The following DCAF8L2 variants were observed in gnomAD, a reference collection of about 807,000 sequenced individuals.
DCAF8L2 encodes the protein DDB1- and CUL4-associated factor 8-like protein 2.
For synonymous variants in DCAF8L2, 200 were observed against 190.9 expected (o/e 1.05, Z -0.39); for missense variants, 430 against 490.7 (o/e 0.88, Z 1.17).
At chrX:27,555,402 A>T in the DCAF8L2 span, among the ~76,000 whole-genome samples, 1 of 111,951 alleles carries the variant, frequency 8.9e-6, no homozygotes, top group Non-Finnish European at 1.9e-5. Context: ...AGGTTCTGAC[A>T]TTGGCCTTTT....
intron 4 of DCAF8L2, among the ~76,000 whole-genome samples, chrX:27,726,885 G>GT (rs1335281995): frequency 2.7e-5 from 3 of 111,701 alleles, no homozygotes; most frequent in Non-Finnish European, 3.8e-5. Flanking sequence ...TCTTTCCTAT[G>GT]TTTTTTCATG....
the DCAF8L2 span, among the ~76,000 whole-genome samples, chrX:27,542,837 T>G: frequency 9.0e-6 from 1 of 111,463 alleles, no homozygotes; most frequent in African/African-American, 3.3e-5. Context: ...GGTTATTTGT[T>G]TTTCACTTGG....
At chrX:27,608,397 TAAA>T (rs1480012853) in intron 1 of DCAF8L2, among the ~76,000 whole-genome samples, 1 of 111,994 alleles carries the variant, frequency 8.9e-6, no homozygotes, top group African/African-American at 3.2e-5. Context: ...TAAAATAAAA[TAAA>T]AGAAGTAATT....
chrX:27,715,854 T>C (rs1177481206), intron 3 of DCAF8L2, among the ~76,000 whole-genome samples: 1 of 112,198 alleles, frequency 8.9e-6, no homozygotes, highest in Non-Finnish European at 1.9e-5. Context: ...AAATTAATGA[T>C]AGTCCTTTCT....
At chrX:27,606,925 A>G (rs1926934204) in intron 1 of DCAF8L2, among the ~76,000 whole-genome samples, 1 of 111,370 alleles carries the variant, frequency 9.0e-6, no homozygotes, top group African/African-American at 3.3e-5. Context: ...AGTTACCTGT[A>G]TTCATATCCT....
At chrX:27,519,494 A>G in the DCAF8L2 span, 4 of 957,815 alleles carry the variant, frequency 4.2e-6, no homozygotes, top group Non-Finnish European at 6.0e-6. Flanking sequence ...TTGCAACACA[A>G]AGCTTTTGCA....
the DCAF8L2 span, among the ~76,000 whole-genome samples, chrX:27,533,778 T>A: frequency 8.9e-6 from 1 of 112,662 alleles, no homozygotes; most frequent in East Asian, 2.8e-4. Context: ...TTAAAGGAAA[T>A]GCGTGAGACA....
chrX:27,612,883 G>A (rs1022513991), intron 1 of DCAF8L2, among the ~76,000 whole-genome samples: 4 of 111,689 alleles, frequency 3.6e-5, no homozygotes, highest in African/African-American at 1.3e-4. Flanking sequence ...CAGGTAGCGT[G>A]ATACCTCCAC....
intron 4 of DCAF8L2, among the ~76,000 whole-genome samples, chrX:27,716,797 T>A (rs1398805535): frequency 8.9e-6 from 1 of 112,009 alleles, no homozygotes; most frequent in East Asian, 2.8e-4. Flanking sequence ...GGTAAAGGTA[T>A]GTCATAGTGG....
the DCAF8L2 span, among the ~76,000 whole-genome samples, chrX:27,535,145 T>C: frequency 8.9e-6 from 1 of 111,969 alleles, no homozygotes; most frequent in Admixed American, 9.5e-5. Context: ...GTGAACAAGA[T>C]GTATGTAGCT....
chrX:27,592,411 G>GTTTTTTTTTTTTTTTTT (rs1214583694), intron 1 of DCAF8L2, among the ~76,000 whole-genome samples: 19 of 51,628 alleles, frequency 3.7e-4, no homozygotes, highest in Non-Finnish European at 5.3e-4. Flanking sequence ...TTTTTTGTTT[G>GTTTTTTTTTTTTTTTTT]TTTTTGTTTT....
the DCAF8L2 span, among the ~76,000 whole-genome samples, chrX:27,545,533 T>C: frequency 5.2e-4 from 58 of 111,717 alleles, no homozygotes; most frequent in Non-Finnish European, 5.6e-5. Flanking sequence ...TGAATTGTAA[T>C]TCCCTATGCT....
chrX:27,635,877 T>C (rs1017021929), intron 2 of DCAF8L2, among the ~76,000 whole-genome samples: 1 of 107,688 alleles, frequency 9.3e-6, no homozygotes, highest in African/African-American at 3.4e-5. Context: ...ACTGGCGCCA[T>C]CTTGGCTCGC....
chrX:27,618,794 G>A (rs763427676), intron 1 of DCAF8L2, among the ~76,000 whole-genome samples: 6 of 111,309 alleles, frequency 5.4e-5, no homozygotes, highest in African/African-American at 1.3e-4. Flanking sequence ...AATACTAGTG[G>A]AAAAGTGAGA....
chrX:27,495,464 G>A, the DCAF8L2 span, among the ~76,000 whole-genome samples: 1 of 111,935 alleles, frequency 8.9e-6, no homozygotes, highest in Non-Finnish European at 1.9e-5. Flanking sequence ...GATTTTAATA[G>A]CAATGTTTTT....
intron 2 of DCAF8L2, among the ~76,000 whole-genome samples, chrX:27,673,629 C>A (rs1415531995): frequency 9.3e-6 from 1 of 107,307 alleles, no homozygotes; most frequent in Non-Finnish European, 1.9e-5. Context: ...CTTATATATA[C>A]ATATATATGT....
At chrX:27,690,828 T>A (rs1366216736) in intron 3 of DCAF8L2, among the ~76,000 whole-genome samples, 1 of 111,543 alleles carries the variant, frequency 9.0e-6, no homozygotes, top group Non-Finnish European at 1.9e-5. Flanking sequence ...TACAACTCAA[T>A]TGAATCGACA....
chrX:27,517,640 C>T, the DCAF8L2 span: 1 of 560,257 alleles, frequency 1.8e-6, no homozygotes, highest in Non-Finnish European at 3.2e-6. Flanking sequence ...TGTCTTTTAG[C>T]TAGCACAGTC....
intron 2 of DCAF8L2, among the ~76,000 whole-genome samples, chrX:27,668,908 C>T (rs759401559): frequency 2.2e-4 from 24 of 107,639 alleles, no homozygotes; most frequent in Middle Eastern, 4.8e-3. Context: ...GCACTCCAGC[C>T]TGGTTGACAC....
Sources: allele counts gnomAD v4.1 joint callset (sites outside exome capture counted in the v4.1 genomes callset), GRCh38; gene constraint gnomAD v4.1.1; transcripts MANE v1.5; gene names NCBI Gene and HGNC (gene_info 2026-07-23, HGNC 2026-07-21).